MAGI2: variants seen among roughly 807,000 people sequenced by gnomAD.
The protein encoded by MAGI2 is membrane-associated guanylate kinase, WW and PDZ domain-containing protein 2.
A neutral mutation model predicts 133.3 loss-of-function variants in MAGI2; 35 were observed. The observed-to-expected ratio is 0.26, with a 90% CI of 0.20 to 0.35. MAGI2 has a LOEUF of 0.35. Ranked by LOEUF, MAGI2 falls within the 10% of genes least tolerant of loss-of-function variation. The pLI is 1.00. For missense variants in MAGI2, 1,636 were observed against 1,863.4 expected, an observed-to-expected ratio of 0.88 and a Z score of 2.25; for synonymous variants, 729 against 710.6, an observed-to-expected ratio of 1.03 and a Z score of -0.41.
At chr7:78,977,398 A>C (rs2116102948) in intron 2 of MAGI2, among the ~76,000 whole-genome samples, 1 of 151,584 alleles carries the variant, frequency 6.6e-6, no homozygotes, top group Middle Eastern at 3.4e-3. Flanking sequence ...AGACAGAAAG[A>C]GAGAAAGAGA....
chr7:78,369,080 C>A (rs980240229), intron 7 of MAGI2, 76 bp downstream of exon 7: 1 of 1,051,450 alleles, frequency 9.5e-7, no homozygotes, highest in Admixed American at 2.1e-5. Flanking sequence ...GTGAGCCACA[C>A]ATGCTCAATA....
At chr7:79,089,153 AG>A (rs1816814815) in intron 1 of MAGI2, among the ~76,000 whole-genome samples, 1 of 152,178 alleles carries the variant, frequency 6.6e-6, no homozygotes, top group Non-Finnish European at 1.5e-5. Flanking sequence ...GGATATGAAC[AG>A]ACACTTCTCA....
intron 1 of MAGI2, among the ~76,000 whole-genome samples, chr7:79,196,268 A>G (rs1301774252): frequency 6.6e-6 from 1 of 152,000 alleles, no homozygotes; most frequent in Admixed American, 6.5e-5. Flanking sequence ...GACATCAGAA[A>G]ATGAAACTGA....
At chr7:79,059,314 C>T (rs995592011) in intron 1 of MAGI2, among the ~76,000 whole-genome samples, 2 of 151,930 alleles carry the variant, frequency 1.3e-5, no homozygotes, top group South Asian at 4.1e-4. Context: ...AAATTGTATT[C>T]CTAGTGTCAT....
intron 9 of MAGI2, among the ~76,000 whole-genome samples, chr7:78,295,251 TTTG>T: frequency 6.6e-6 from 1 of 152,188 alleles, no homozygotes; most frequent in Non-Finnish European, 1.5e-5. Context: ...CAAATGAGGC[TTTG>T]TTTTCTTTTC....
At chr7:79,039,857 A>T (rs1175173203) in intron 1 of MAGI2, among the ~76,000 whole-genome samples, 4 of 143,716 alleles carry the variant, frequency 2.8e-5, no homozygotes, top group Admixed American at 2.1e-4. Flanking sequence ...CATATATATT[A>T]TATATATATA....
chr7:78,201,322 C>T, intron 10 of MAGI2, 129 bp from the exon 11 acceptor site: 1 of 491,820 alleles, frequency 2.0e-6, no homozygotes, highest in Admixed American at 4.2e-5. Flanking sequence ...AAACTTCTGC[C>T]TGGCTGTATC....
At chr7:78,346,262 T>C (rs749432690) in intron 7 of MAGI2, among the ~76,000 whole-genome samples, 4 of 152,214 alleles carry the variant, frequency 2.6e-5, no homozygotes, top group Non-Finnish European at 5.9e-5. Flanking sequence ...TCATATGTTA[T>C]TCTATTTACA....
At chr7:78,328,271 G>A (rs931096536) in intron 9 of MAGI2, among the ~76,000 whole-genome samples, 1 of 151,866 alleles carries the variant, frequency 6.6e-6, no homozygotes, top group Non-Finnish European at 1.5e-5. Context: ...TGAAAACACT[G>A]AAAACAATTC....
At chr7:79,110,759 C>T (rs1480853790) in intron 1 of MAGI2, among the ~76,000 whole-genome samples, 1 of 152,070 alleles carries the variant, frequency 6.6e-6, no homozygotes, top group East Asian at 1.9e-4. Flanking sequence ...TGGATATCAC[C>T]CCCAAATCTC....
intron 6 of MAGI2, among the ~76,000 whole-genome samples, chr7:78,432,338 T>C (rs1799873704): frequency 2.0e-5 from 3 of 152,204 alleles, no homozygotes; most frequent in Admixed American, 6.5e-5. Flanking sequence ...ATTGAAATAA[T>C]TGTAAGGCTG....
intron 2 of MAGI2, among the ~76,000 whole-genome samples, chr7:78,696,731 T>A (rs1817551117): frequency 6.6e-6 from 1 of 152,186 alleles, no homozygotes; most frequent in Non-Finnish European, 1.5e-5. Context: ...ATCAACAGAA[T>A]GTAAGAGTTA....
chr7:78,866,630 T>C (rs2151512056), intron 2 of MAGI2, among the ~76,000 whole-genome samples: 1 of 152,120 alleles, frequency 6.6e-6, no homozygotes, highest in South Asian at 2.1e-4. Context: ...GCTGCTGCTT[T>C]AAAATGCCAG....
chr7:78,078,778 GTGTGTGTGTA>G (rs1815634370), intron 21 of MAGI2, 159 bp downstream of exon 21: 1 of 629,878 alleles, frequency 1.6e-6, no homozygotes, highest in Non-Finnish European at 2.7e-6. Flanking sequence ...AAACATACGT[GTGTGTGTGTA>G]TGTGTGTGTG....
chr7:78,891,396 G>A (rs186872479), intron 2 of MAGI2, among the ~76,000 whole-genome samples: 1 of 152,286 alleles, frequency 6.6e-6, no homozygotes, highest in East Asian at 1.9e-4. Context: ...GCATCATCCT[G>A]ATACCAAAGC....
At chr7:78,777,778 T>C (rs1373992441) in intron 2 of MAGI2, among the ~76,000 whole-genome samples, 2 of 152,168 alleles carry the variant, frequency 1.3e-5, no homozygotes, top group African/African-American at 4.8e-5. Flanking sequence ...TCCACTTAAA[T>C]ACCTTCCAGT....
At chr7:78,163,323 T>C (rs915007986) in intron 15 of MAGI2, among the ~76,000 whole-genome samples, 3 of 152,106 alleles carry the variant, frequency 2.0e-5, no homozygotes, top group Non-Finnish European at 4.4e-5. Flanking sequence ...GTACTTTTAG[T>C]AGAGACAGGG....
At chr7:78,420,148 C>T (rs1798665843) in intron 6 of MAGI2, among the ~76,000 whole-genome samples, 1 of 152,068 alleles carries the variant, frequency 6.6e-6, no homozygotes, top group Admixed American at 6.6e-5. Context: ...TTGTTGAAAG[C>T]CTGCTCATCA....
At chr7:78,245,852 CT>C (rs1316322530) in intron 10 of MAGI2, among the ~76,000 whole-genome samples, 1 of 152,178 alleles carries the variant, frequency 6.6e-6, no homozygotes, top group Non-Finnish European at 1.5e-5. Context: ...GCCTTGCCCC[CT>C]GTGACCCACA....
Sources: allele counts gnomAD v4.1 joint callset (sites outside exome capture counted in the v4.1 genomes callset), GRCh38; gene constraint gnomAD v4.1.1; transcripts MANE v1.5; gene names NCBI Gene and HGNC (gene_info 2026-07-23, HGNC 2026-07-21).